MYL1: variants seen among roughly 807,000 people sequenced by gnomAD.
MYL1 encodes the protein myosin light chain 1/3, skeletal muscle isoform.
A neutral mutation model predicts 21.8 loss-of-function variants in MYL1; 16 were observed. The observed-to-expected ratio is 0.74, with a 90% CI of 0.50 to 1.12. MYL1 has a LOEUF of 1.12. MYL1 is among the 50% of genes most tolerant of loss of function. The probability of loss-of-function intolerance (pLI) is 0.00; values close to 1 mark genes in which losing one functional copy is unlikely to be tolerated. For missense variants in MYL1, 246 were observed against 241.0 expected, an observed-to-expected ratio of 1.02 and a Z score of -0.14; for synonymous variants, 99 against 85.2, an observed-to-expected ratio of 1.16 and a Z score of -0.89.
intron 1 of MYL1, among the ~76,000 whole-genome samples, chr2:210,307,007 A>T (rs559289482): frequency 6.6e-6 from 1 of 152,284 alleles, no homozygotes; most frequent in Non-Finnish European, 1.5e-5. Context: ...GATCAGATTT[A>T]CCTTTCTTCT....
chr2:210,298,675 C>A, intron 2 of MYL1, 112 bp from the exon 3 acceptor site: 3 of 1,182,312 alleles, frequency 2.5e-6, no homozygotes, highest in Admixed American at 2.4e-5. Context: ...CTTCTGCCAA[C>A]TATGCAAGTT....
chr2:210,312,206 A>G (rs1418937892), intron 1 of MYL1, among the ~76,000 whole-genome samples: 1 of 151,964 alleles, frequency 6.6e-6, no homozygotes, highest in Non-Finnish European at 1.5e-5. Context: ...GGCTATGACT[A>G]TAGTACTACA....
At chr2:210,314,771 A>C (rs1033458817) in intron 1 of MYL1, 140 bp downstream of exon 1, 1 of 949,598 alleles carries the variant, frequency 1.1e-6, no homozygotes, top group Admixed American at 2.4e-5. Flanking sequence ...TTTTTAAAGC[A>C]GGATTCTCTT....
chr2:210,314,875 TG>T (rs1690467762), intron 1 of MYL1, 35 bp downstream of exon 1: 4 of 1,611,688 alleles, frequency 2.5e-6, no homozygotes, highest in Admixed American at 3.3e-5. Context: ...TATTGAAAGA[TG>T]TTTCAGTGAC....
chr2:210,303,529 T>C (rs1448350887), intron 1 of MYL1: 2 of 1,610,810 alleles, frequency 1.2e-6, no homozygotes, highest in Non-Finnish European at 1.7e-6. Context: ...AATTATTGTC[T>C]CATAGGACCC....
intron 2 of MYL1, among the ~76,000 whole-genome samples, chr2:210,299,494 G>T (rs1157469770): frequency 1.3e-5 from 2 of 152,134 alleles, no homozygotes; most frequent in Non-Finnish European, 2.9e-5. Context: ...GTGTGTACGT[G>T]TATGTATTAA....
At chr2:210,291,654 G>A (rs1050293667) in intron 5 of MYL1, among the ~76,000 whole-genome samples, 7 of 152,038 alleles carry the variant, frequency 4.6e-5, no homozygotes, top group African/African-American at 1.4e-4. Context: ...TTATCTTACA[G>A]ATATTATAAC....
Position 210,315,052 on chromosome 2 carries a change from T to TA in MYL1, c.-11dup. 6.3e-7 allele frequency: 1 copy of TA among 1,589,310 alleles called. No individual in the cohort carries two copies. Among genetic ancestry groups the TA allele is most frequent in the Non-Finnish European group, 8.5e-7 (1 of 1,172,876 alleles). On this transcript the variant is annotated 5_prime_UTR_variant, in exon 1 of 7. Coordinates refer to ENST00000352451, the MANE Select transcript of MYL1 (RefSeq NM_079420.3). ...CTTTCTTTGGTGCCATTTTTTTTTTTAAAAGGGTGGGTTAAAAAGAGAAGG... is the reference window on the plus strand; with the variant it reads ...CTTTCTTTGGTGCCATTTTTTTTTTTAAAAAGGGTGGGTTAAAAAGAGAAGG...
chr2:210,312,836 T>C (rs1690435399), intron 1 of MYL1, among the ~76,000 whole-genome samples: 2 of 151,944 alleles, frequency 1.3e-5, no homozygotes, highest in Admixed American at 1.3e-4. Context: ...AGATGGAGCA[T>C]ACCCAATTCT....
chr2:210,295,601 A>G (rs1464961267), intron 3 of MYL1, among the ~76,000 whole-genome samples: 1 of 151,960 alleles, frequency 6.6e-6, no homozygotes, highest in East Asian at 1.9e-4. Context: ...AGCCAAGATC[A>G]TGCCACTGCA....
intron 3 of MYL1, among the ~76,000 whole-genome samples, chr2:210,295,573 G>A (rs771307711): frequency 5.3e-5 from 8 of 152,160 alleles, no homozygotes; most frequent in Non-Finnish European, 7.4e-5. Context: ...TTGAGCCTGG[G>A]AGGTGGAGGT....
At chr2:210,297,158 T>G (rs1378855329) in intron 3 of MYL1, among the ~76,000 whole-genome samples, 1 of 151,752 alleles carries the variant, frequency 6.6e-6, no homozygotes, top group Non-Finnish European at 1.5e-5. Context: ...TTTTTTGACA[T>G]GTTGATTTCC....
rs559871087 is a variant in MYL1 at position 210,310,809 on chromosome 2, C to T, written c.132+4102G>A. Among the ~76,000 whole-genome samples the T allele has an allele frequency of 1.1e-4, 16 of 152,210 alleles. No homozygotes were observed. The South Asian group carries it at 3.1e-3, about 30-fold the overall frequency. On this transcript the variant is annotated intron_variant, in intron 1 of 6. Transcript: ENST00000352451. ...ACTGTGCAGGGCAATATAAAAACCA[C>T]TCTACCTCATACCCTTAAGAGTAAA...
chr2:210,306,435 T>C (rs1421027088), intron 1 of MYL1, among the ~76,000 whole-genome samples: 1 of 152,094 alleles, frequency 6.6e-6, no homozygotes, highest in African/African-American at 2.4e-5. Flanking sequence ...TTCTAATGAC[T>C]TGGATACTAT....
At chr2:210,309,212 T>G (rs748279202) in intron 1 of MYL1, among the ~76,000 whole-genome samples, 10 of 152,012 alleles carry the variant, frequency 6.6e-5, no homozygotes, top group Non-Finnish European at 1.3e-4. Flanking sequence ...ACTCACTCAT[T>G]TTAATGGGAA....
chr2:210,313,484 T>A (rs1192142192), intron 1 of MYL1, among the ~76,000 whole-genome samples: 2 of 152,110 alleles, frequency 1.3e-5, no homozygotes, highest in East Asian at 3.9e-4. Context: ...TTTGGTTTCC[T>A]CTTAAAGAAC....
At chr2:210,294,050 A>C (rs1303126151) in intron 4 of MYL1, among the ~76,000 whole-genome samples, 195 bp downstream of exon 4, 1 of 152,200 alleles carries the variant, frequency 6.6e-6, no homozygotes, top group Non-Finnish European at 1.5e-5. Flanking sequence ...ATTCATTACC[A>C]ATATTTTAAG....
At chr2:210,302,806 G>C (rs1690284670) in intron 1 of MYL1, 1 of 1,556,746 alleles carries the variant, frequency 6.4e-7, no homozygotes, top group Admixed American at 1.9e-5. Context: ...CAGTGGCGAA[G>C]AAGAGAAAGA....
In MYL1 at chr2:210,308,326, C is replaced by A. The variant is rs140545394; in HGVS notation, c.133-5811G>T. On this transcript the variant is annotated intron_variant, in intron 1 of 6. Coordinates refer to ENST00000352451, the MANE Select transcript of MYL1 (RefSeq NM_079420.3). ...TTTTGGAAGTCTTAGGAGTTCTGTG[C>A]TTCAGAATAACTCAAGTCGAAGGAA... is the stretch of plus-strand genomic sequence containing the variant. 5.7e-3 allele frequency among the ~76,000 whole-genome samples: 832 copies of A among 146,326 alleles called. 17 individuals carry two copies. Among genetic ancestry groups the A allele is most frequent in the East Asian group, 0.031 (154 of 4,996 alleles).
Sources: gnomAD v4.1 joint callset for allele counts (sites outside exome capture counted in the v4.1 genomes callset) on GRCh38, gnomAD v4.1.1 for gene constraint, MANE v1.5 for transcripts, NCBI Gene and HGNC (gene_info 2026-07-23, HGNC 2026-07-21) for gene names.